Variants in TANC2 observed in about 807,000 individuals in gnomAD.
TANC2 encodes the protein tetratricopeptide repeat, ankyrin repeat and coiled-coil containing 2.
Under a neutral mutation model 210.5 loss-of-function variants are expected in TANC2, and 26 were observed. The ratio of observed to expected loss-of-function variants is 0.12; its 90% CI spans 0.09 to 0.17. The LOEUF is 0.17. Ranked by LOEUF, TANC2 falls within the 10% of genes least tolerant of loss-of-function variation. The probability of loss-of-function intolerance (pLI) is 1.00; values close to 1 mark genes in which losing one functional copy is unlikely to be tolerated. For missense variants in TANC2, 2,129 were observed against 2,608.9 expected, an observed-to-expected ratio of 0.82 and a Z score of 4.01; for synonymous variants, 931 against 967.1, an observed-to-expected ratio of 0.96 and a Z score of 0.69.
chr17:63,002,238 A>G (rs2033419678), intron 1 of TANC2, among the ~76,000 whole-genome samples: 1 of 152,218 alleles, frequency 6.6e-6, no homozygotes, highest in Admixed American at 6.5e-5. Flanking sequence ...TAGAAGTAGT[A>G]AGGCATGAAG....
At chr17:62,970,693 T>C (rs1036394817) in intron 1 of TANC2, among the ~76,000 whole-genome samples, 1 of 152,218 alleles carries the variant, frequency 6.6e-6, no homozygotes, top group Non-Finnish European at 1.5e-5. Flanking sequence ...CCTTGTCATA[T>C]TTCTTCCTTT....
At chr17:63,040,240 T>C (rs1250365303) in intron 2 of TANC2, among the ~76,000 whole-genome samples, 2 of 152,212 alleles carry the variant, frequency 1.3e-5, no homozygotes, top group Non-Finnish European at 2.9e-5. Flanking sequence ...ACGGCCATGT[T>C]GTAGACAGGG....
intron 9 of TANC2, among the ~76,000 whole-genome samples, 189 bp downstream of exon 9, chr17:63,268,062 C>T (rs1169445789): frequency 1.3e-5 from 2 of 152,150 alleles, no homozygotes; most frequent in Non-Finnish European, 2.9e-5. Context: ...ACATTGTACT[C>T]CTCATAGACA....
chr17:63,189,809 A>G (rs573669430), intron 5 of TANC2, among the ~76,000 whole-genome samples: 2 of 152,184 alleles, frequency 1.3e-5, no homozygotes, highest in African/African-American at 4.8e-5. Context: ...TTTTAGTGTC[A>G]TATCTAAGAA....
chr17:63,055,528 G>A (rs1017725833), intron 2 of TANC2, among the ~76,000 whole-genome samples: 2 of 151,844 alleles, frequency 1.3e-5, no homozygotes, highest in African/African-American at 4.8e-5. Flanking sequence ...TAAAGTTTAT[G>A]ATATATTTGA....
At chr17:63,233,230 G>A (rs550517851) in intron 7 of TANC2, among the ~76,000 whole-genome samples, 1 of 145,922 alleles carries the variant, frequency 6.9e-6, no homozygotes, top group Admixed American at 6.7e-5. Flanking sequence ...TGGGAACTCG[G>A]TAGTCTTAGG....
At chr17:63,186,265 T>A (rs993030340) in intron 5 of TANC2, among the ~76,000 whole-genome samples, 1 of 152,134 alleles carries the variant, frequency 6.6e-6, no homozygotes, top group Non-Finnish European at 1.5e-5. Context: ...ACCACCTTTT[T>A]ATCTATGCTT....
intron 5 of TANC2, among the ~76,000 whole-genome samples, chr17:63,187,444 A>G (rs2041029284): frequency 6.6e-6 from 1 of 152,234 alleles, no homozygotes; most frequent in South Asian, 2.1e-4. Context: ...GACCTTACTC[A>G]GATTTGGTTA....
chr17:63,419,113 C>G (rs754706457), intron 27 of TANC2, among the ~76,000 whole-genome samples: 1 of 152,220 alleles, frequency 6.6e-6, no homozygotes, highest in Non-Finnish European at 1.5e-5. Flanking sequence ...TCCTGCCCTC[C>G]TCCTCCCCAG....
At chr17:63,009,600 A>T in exon 2 of TANC2, 2 of 1,613,102 alleles carry the variant, frequency 1.2e-6, no homozygotes, top group Non-Finnish European at 1.7e-6. Flanking sequence ...ACTGGTGGGA[A>T]ATCAAGTCGT....
In TANC2 at chr17:63,174,265, A is replaced by C. The variant is rs150037927; in HGVS notation, c.434-19726A>C. Among the ~76,000 whole-genome samples the C allele has an allele frequency of 2.6e-5, 4 of 152,308 alleles. No homozygotes were observed. The East Asian group carries it at 7.7e-4, about 29-fold the overall frequency. Reference sequence around the variant, plus strand: ...TCTTTCAATTCTTTACAGTACTTCTAGTTTTACAGCTCTTTTGTTACCCTC... The same window carrying C: ...TCTTTCAATTCTTTACAGTACTTCTCGTTTTACAGCTCTTTTGTTACCCTC... On this transcript the variant is annotated intron_variant, in intron 5 of 27. Transcript: ENST00000689528.
intron 14 of TANC2, among the ~76,000 whole-genome samples, chr17:63,379,410 C>T (rs955840394): frequency 2.0e-5 from 3 of 152,286 alleles, no homozygotes; most frequent in East Asian, 1.9e-4. Context: ...TCAGACTGGA[C>T]GCAGCAGCTC....
At chr17:63,164,762 A>G in intron 5 of TANC2, among the ~76,000 whole-genome samples, 1 of 152,192 alleles carries the variant, frequency 6.6e-6, no homozygotes. Context: ...GATAGATGTC[A>G]CAGCTCAAGC....
In TANC2 at chr17:63,412,631, C is replaced by T; in HGVS notation, c.3899-49C>T. On this transcript the variant is annotated intron_variant, in intron 23 of 27. Transcript: ENST00000689528. The surrounding 1 kb of genome is among the most constrained non-coding windows in gnomAD (Gnocchi z 4.2). ...TCTTTTTTTTTTTTTCACCTTCATCCATTTTTTTTTCCTCTCCTACAACTT... is the reference window on the plus strand; with the variant it reads ...TCTTTTTTTTTTTTTCACCTTCATCTATTTTTTTTTCCTCTCCTACAACTT... 1 of 1,435,942 alleles carries T rather than the reference C, an allele frequency of 7.0e-7. No individual in the cohort carries two copies. Among genetic ancestry groups the T allele is most frequent in the Admixed American group, 2.1e-5 (1 of 47,982 alleles). The allele number at this position is 1,435,942 out of a possible 1,614,324, so 89.0% of individuals were successfully genotyped here. A position where few individuals can be genotyped will look rare whatever the true frequency, so the allele number is the denominator to read the frequency against.
chr17:63,063,611 A>G (rs2036085406), intron 2 of TANC2, among the ~76,000 whole-genome samples: 1 of 136,398 alleles, frequency 7.3e-6, no homozygotes. Context: ...TTCGTTACCC[A>G]GTATTGTGTG....
chr17:63,332,465 A>C (rs1359964331), intron 11 of TANC2: 1 of 407,984 alleles, frequency 2.5e-6, no homozygotes, highest in African/African-American at 2.1e-5. Context: ...GTGAGTAATC[A>C]GCATCTAACT....
chr17:63,143,373 A>G (rs1336969458), intron 4 of TANC2, among the ~76,000 whole-genome samples: 2 of 152,282 alleles, frequency 1.3e-5, no homozygotes, highest in Admixed American at 6.5e-5. Context: ...CACATTTTTT[A>G]TGAAATGTTT....
intron 7 of TANC2, among the ~76,000 whole-genome samples, chr17:63,212,500 T>C (rs1256942059): frequency 1.3e-5 from 2 of 152,178 alleles, no homozygotes; most frequent in Admixed American, 1.3e-4. Flanking sequence ...ATGACAGATA[T>C]GTTTGGTTTG....
chr17:63,257,500 G>A (rs1472041657), intron 8 of TANC2, among the ~76,000 whole-genome samples: 2 of 152,040 alleles, frequency 1.3e-5, no homozygotes, highest in Non-Finnish European at 2.9e-5. Flanking sequence ...TGAGATAACA[G>A]GTGCACACCA....
Sources: gnomAD v4.1 joint callset for allele counts (sites outside exome capture counted in the v4.1 genomes callset) on GRCh38, gnomAD v4.1.1 for gene constraint, Gnocchi (gnomAD v3.1) non-coding constraint, MANE v1.5 for transcripts, NCBI Gene and HGNC (gene_info 2026-07-23, HGNC 2026-07-21) for gene names.